Variants in NLGN4X observed in about 807,000 individuals in gnomAD.
The protein encoded by NLGN4X is neuroligin 4 X-linked.
A neutral mutation model predicts 40.3 loss-of-function variants in NLGN4X; 3 were observed. The observed-to-expected ratio is 0.07, with a 90% CI of 0.03 to 0.19. The LOEUF (loss-of-function observed/expected upper bound fraction) is 0.19. Ranked by LOEUF, NLGN4X falls within the 10% of genes least tolerant of loss-of-function variation. The pLI, the probability that NLGN4X is intolerant of heterozygous loss-of-function variation, is 1.00. For synonymous variants in NLGN4X, 270 were observed against 306.8 expected (o/e 0.88, Z 1.25); for missense variants, 382 against 708.3 (o/e 0.54, Z 5.23).
chrX:5,903,118 G>A lies in NLGN4X; in HGVS notation c.1560C>T (p.Ser520=), dbSNP rs371904473. The A allele has an allele frequency of 5.3e-5, 64 of 1,210,599 alleles. No individual in the cohort carries two copies. The highest frequency in any genetic ancestry group is 6.4e-5 in the Non-Finnish European group (57 of 895,352). ...CNFSKNDVML[S]AVVMTYWTNF... is the part of the protein sequence containing the mutation. ...TCGTCCAGTAGGTCATGACCACGGC[G>A]CTGAGCATGACGTCGTTCTTGGAAA... is the stretch of plus-strand genomic sequence containing the variant. The change falls in exon 5 of 6, where the codon AGC becomes AGT. Residue 520 remains serine (S), a synonymous_variant. Coordinates refer to ENST00000381095, the MANE Select transcript of NLGN4X (RefSeq NM_181332.3).
At chrX:6,067,780 G>T (rs1308089935) in intron 2 of NLGN4X, among the ~76,000 whole-genome samples, 1 of 111,406 alleles carries the variant, frequency 9.0e-6, no homozygotes, top group African/African-American at 3.3e-5. Flanking sequence ...GCCAGCTCAT[G>T]CTAGAATTAC....
chrX:6,032,647 T>C lies in NLGN4X; in HGVS notation c.473-3215A>G, dbSNP rs753936252. Reference sequence around the variant, plus strand: ...AAAAAAAAAGAGAGATAGATAGATATAAAATCATGCACTGGGGTTGAGCTT... The same window carrying C: ...AAAAAAAAAGAGAGATAGATAGATACAAAATCATGCACTGGGGTTGAGCTT... On this transcript the variant is annotated intron_variant, in intron 2 of 5. Coordinates refer to ENST00000381095, the MANE Select transcript of NLGN4X (RefSeq NM_181332.3). 5 of 932,444 alleles carry C rather than the reference T, an allele frequency of 5.4e-6. No individual in the cohort carries two copies. The South Asian group carries it at 9.7e-5, about 18-fold the overall frequency. 76.8% of individuals were successfully genotyped at this position (932,444 alleles called of 1,213,427 possible).
chrX:6,096,208 C>CA (rs2038772389), intron 2 of NLGN4X, among the ~76,000 whole-genome samples: 1 of 111,483 alleles, frequency 9.0e-6, no homozygotes, highest in Non-Finnish European at 1.9e-5. Flanking sequence ...ACTCATCTGT[C>CA]AAAAAACAGC....
intron 2 of NLGN4X, among the ~76,000 whole-genome samples, chrX:6,091,112 G>A (rs2038630146): frequency 9.1e-6 from 1 of 110,283 alleles, no homozygotes; most frequent in African/African-American, 3.3e-5. Flanking sequence ...GAGAGAAGAT[G>A]GAGAAAATGA....
chrX:5,933,171 A>T (rs2146873792), intron 3 of NLGN4X, among the ~76,000 whole-genome samples: 1 of 112,148 alleles, frequency 8.9e-6, no homozygotes, highest in Non-Finnish European at 1.9e-5. Context: ...CTAAGCAAAG[A>T]TTTAAAGACT....
intron 2 of NLGN4X, among the ~76,000 whole-genome samples, chrX:6,062,562 G>T (rs1251364369): frequency 9.0e-6 from 1 of 111,324 alleles, no homozygotes; most frequent in Non-Finnish European, 1.9e-5. Context: ...TAGAAATGTG[G>T]ATCTTACTGC....
chrX:5,997,570 G>A (rs1053121761), intron 3 of NLGN4X, among the ~76,000 whole-genome samples: 3 of 51,624 alleles, frequency 5.8e-5, no homozygotes, highest in African/African-American at 9.5e-5. Context: ...AATTACATGT[G>A]TGTGTGTGTG....
intron 3 of NLGN4X, among the ~76,000 whole-genome samples, chrX:5,945,415 T>A (rs1318813937): frequency 8.9e-6 from 1 of 112,147 alleles, no homozygotes; most frequent in Non-Finnish European, 1.9e-5. Context: ...TGACATATGA[T>A]TCATTTTGTG....
At chrX:6,140,853 C>A (rs1328929120) in intron 2 of NLGN4X, among the ~76,000 whole-genome samples, 1 of 110,273 alleles carries the variant, frequency 9.1e-6, no homozygotes, top group Non-Finnish European at 1.9e-5. Context: ...GCTAGGATTA[C>A]AAGAGCAAGC....
At chrX:6,225,689 C>CTTTTTTTTTTTTTTTTTTTTTT in intron 1 of NLGN4X, among the ~76,000 whole-genome samples, 1,180 of 26,908 alleles carry the variant, frequency 0.044, 192 homozygotes, top group East Asian at 0.058. Flanking sequence ...TTCTTTTTTT[C>CTTTTTTTTTTTTTTTTTTTTTT]TTTTTTTTTT....
intron 3 of NLGN4X, among the ~76,000 whole-genome samples, chrX:6,011,106 T>C (rs2036240364): frequency 9.0e-6 from 1 of 111,474 alleles, no homozygotes; most frequent in Non-Finnish European, 1.9e-5. Flanking sequence ...TATTAATCTA[T>C]ACTTGCACCA....
intron 2 of NLGN4X, among the ~76,000 whole-genome samples, chrX:6,030,008 A>C (rs2036812293): frequency 9.0e-6 from 1 of 111,436 alleles, no homozygotes; most frequent in Non-Finnish European, 1.9e-5. Flanking sequence ...TTAACTGAAC[A>C]GAAATAGGGA....
chrX:5,958,960 TAGGTA>T (rs2034577486), intron 3 of NLGN4X, among the ~76,000 whole-genome samples: 1 of 112,106 alleles, frequency 8.9e-6, no homozygotes, highest in Admixed American at 9.4e-5. Context: ...TACCTACTGT[TAGGTA>T]AGGTAACAGT....
At chrX:6,038,278 A>G (rs1454215158) in intron 2 of NLGN4X, among the ~76,000 whole-genome samples, 1 of 112,079 alleles carries the variant, frequency 8.9e-6, no homozygotes, top group Non-Finnish European at 1.9e-5. Context: ...GGCTGCTCTG[A>G]GCAGAAGCAT....
chrX:6,021,827 T>C (rs2036566961), intron 3 of NLGN4X, among the ~76,000 whole-genome samples: 1 of 110,321 alleles, frequency 9.1e-6, no homozygotes, highest in African/African-American at 3.3e-5. Flanking sequence ...TTCTGCAATG[T>C]GTTCACTCTA....
chrX:5,961,655 G>A (rs2034667183), intron 3 of NLGN4X, among the ~76,000 whole-genome samples: 2 of 111,765 alleles, frequency 1.8e-5, no homozygotes, highest in Admixed American at 9.5e-5. Context: ...TAAGACACAG[G>A]AGCTTAAAAA....
intron 2 of NLGN4X, among the ~76,000 whole-genome samples, chrX:6,133,482 A>G (rs1430889504): frequency 3.6e-5 from 4 of 112,369 alleles, no homozygotes; most frequent in African/African-American, 6.5e-5. Flanking sequence ...TGGTTTTAAA[A>G]TCAGGCTTTT....
intron 2 of NLGN4X, among the ~76,000 whole-genome samples, chrX:6,050,256 C>T (rs2037447837): frequency 8.9e-6 from 1 of 111,734 alleles, no homozygotes; most frequent in Non-Finnish European, 1.9e-5. Flanking sequence ...TAGACATATA[C>T]ATGTGTGATT....
chrX:6,125,469 C>CAAATAATATACAAT lies in NLGN4X; in HGVS notation c.472+25525_472+25526insATTGTATATTATTT, dbSNP rs1318804193. Among the ~76,000 whole-genome samples, 14 of 39,096 alleles carry CAAATAATATACAAT rather than the reference C, an allele frequency of 3.6e-4. 1 individual carries two copies. The highest frequency in any genetic ancestry group is 1.6e-3 in the African/African-American group (14 of 8,721). 34.0% of individuals were successfully genotyped at this position (39,096 alleles called of 115,157 possible). A position where few individuals can be genotyped will look rare whatever the true frequency, so the allele number is the denominator to read the frequency against. On this transcript the variant is annotated intron_variant, in intron 2 of 5. Coordinates refer to ENST00000381095, the MANE Select transcript of NLGN4X (RefSeq NM_181332.3). Reference sequence around the variant, plus strand: ...ACAATATACAACAAATAATATACAACAAATAATGAGAACAAATAGTCTTTA... The same window carrying CAAATAATATACAAT: ...ACAATATACAACAAATAATATACAACAAATAATATACAATAAATAATGAGAACAAATAGTCTTTA...
Sources: gnomAD v4.1 joint callset for allele counts (sites outside exome capture counted in the v4.1 genomes callset) on GRCh38, gnomAD v4.1.1 for gene constraint, MANE v1.5 for transcripts, NCBI Gene and HGNC (gene_info 2026-07-23, HGNC 2026-07-21) for gene names.